The following RFWD3 variants were observed in gnomAD, a reference collection of about 807,000 sequenced individuals.
RFWD3 encodes the protein E3 ubiquitin-protein ligase RFWD3.
Under a neutral mutation model 87.7 loss-of-function variants are expected in RFWD3, and 65 were observed. The ratio of observed to expected loss-of-function variants is 0.74; its 90% CI spans 0.61 to 0.91. RFWD3 has a LOEUF of 0.91. RFWD3 is among the 40% of genes least tolerant of loss of function. The pLI is 0.00. For missense variants in RFWD3, 1,078 were observed against 938.5 expected (o/e 1.15, Z -1.94); for synonymous variants, 433 against 352.8 (o/e 1.23, Z -2.55).
At chr16:74,656,213 G>A (rs75647170) in intron 2 of RFWD3, among the ~76,000 whole-genome samples, 1,546 of 148,532 alleles carry the variant, frequency 0.01, 46 homozygotes, top group East Asian at 0.068. Flanking sequence ...CAGGAGGATC[G>A]AGGATCACCT....
Position 74,638,970 on chromosome 16 carries a change from T to C in RFWD3, c.1080-1000A>G, listed in dbSNP as rs184766282. 2.4e-3 allele frequency among the ~76,000 whole-genome samples: 367 copies of C among 151,980 alleles called. 5 individuals are homozygous for C. The highest frequency in any genetic ancestry group is 0.015 in the South Asian group (74 of 4,810). On this transcript the variant is annotated intron_variant, in intron 6 of 12. Transcript: ENST00000361070. ...TAGTATGTTACCATAATGAATACTATAGGCAATGGTACTATAATGGTATTT... is the reference window on the plus strand; with the variant it reads ...TAGTATGTTACCATAATGAATACTACAGGCAATGGTACTATAATGGTATTT...
In RFWD3 at chr16:74,652,074, A is replaced by C; in HGVS notation, c.567T>G (p.Pro189=). Residue 189 remains proline, a synonymous_variant, in exon 3 of 13, where the codon CCT becomes CCG. Transcript: ENST00000361070. ...AATCATAAGTGGTAGCTGGCAAGTC[A>C]GGCTGGGTCCTGCTCACCTGAAAGT... The part of the protein sequence containing the change: ...DAYFQVSRTQ[P]DLPATTYDSE... 2 of 1,614,194 alleles carry C rather than the reference A, an allele frequency of 1.2e-6. No homozygotes were observed. Among genetic ancestry groups the C allele is most frequent in the Non-Finnish European group, 1.7e-6 (2 of 1,180,036 alleles).
intron 6 of RFWD3, among the ~76,000 whole-genome samples, chr16:74,641,185 A>G (rs1332999100): frequency 6.6e-6 from 1 of 151,640 alleles, no homozygotes; most frequent in Non-Finnish European, 1.5e-5. Context: ...TTTTGAAGAC[A>G]GAGTTTCGCC....
rs1346989673 is a variant in RFWD3 at position 74,644,678 on chromosome 16, C to A, written c.850G>T (p.Gly284Trp). 11 of 1,614,240 alleles carry A rather than the reference C, an allele frequency of 6.8e-6. No individual in the cohort carries two copies. Among genetic ancestry groups the A allele is most frequent in the South Asian group, 2.2e-5 (2 of 91,088 alleles). Residue 284 changes from glycine (G) to tryptophan (W), a missense_variant, in exon 5 of 13, where the codon GGG (glycine) becomes TGG (tryptophan). Physicochemically the swap from Gly to Trp is radical, Grantham distance 184. Coordinates refer to ENST00000361070, the MANE Select transcript of RFWD3 (RefSeq NM_018124.4). ...LPSASMDEEE[G>W]DTCTICLEQW... The stretch of plus-strand genomic sequence containing the variant: ...TCCAGACATATTGTACAAGTGTCCC[C>A]TTCTTCCTCATCCATAGAAGCAGAA...
chr16:74,638,251 T>A (rs1224028285), intron 6 of RFWD3, among the ~76,000 whole-genome samples: 3 of 151,972 alleles, frequency 2.0e-5, no homozygotes, highest in Non-Finnish European at 4.4e-5. Flanking sequence ...TACGGCAAAT[T>A]GTAAAAGATT....
intron 8 of RFWD3, among the ~76,000 whole-genome samples, chr16:74,635,310 A>G (rs1288895961): frequency 6.6e-6 from 1 of 151,890 alleles, no homozygotes; most frequent in Admixed American, 6.6e-5. Flanking sequence ...AAAAAATAAA[A>G]AAAAAAATTA....
At chr16:74,635,590 A>C (rs755532391) in intron 8 of RFWD3, among the ~76,000 whole-genome samples, 3 of 152,248 alleles carry the variant, frequency 2.0e-5, no homozygotes, top group Non-Finnish European at 4.4e-5. Flanking sequence ...TTAAGAAAAA[A>C]AGAACAGAAC....
rs376800358 is a variant in RFWD3, at chr16:74,623,917, C to G, written c.*11G>C. 1 of 1,613,532 alleles carries G rather than the reference C, an allele frequency of 6.2e-7. No homozygotes were observed. Among genetic ancestry groups the G allele is most frequent in the East Asian group, 2.2e-5 (1 of 44,868 alleles). ...AACCAGCAGCATGCCTTCAAGGTTT[C>G]GAGACCACAGTCACTCCCACTTATA... On this transcript the variant is annotated 3_prime_UTR_variant, in exon 13 of 13. Coordinates refer to ENST00000361070, the MANE Select transcript of RFWD3 (RefSeq NM_018124.4).
intron 6 of RFWD3, among the ~76,000 whole-genome samples, chr16:74,640,822 T>C (rs7201075): frequency 0.86 from 129,878 of 151,744 alleles, 55,762 homozygotes; most frequent in African/African-American, 0.94. Flanking sequence ...GCCTGTAGTC[T>C]CAGCTACTCG....
chr16:74,659,517 C>T (rs1315294514), intron 2 of RFWD3, among the ~76,000 whole-genome samples: 1 of 152,142 alleles, frequency 6.6e-6, no homozygotes, highest in Non-Finnish European at 1.5e-5. Context: ...ATCGCTTGAA[C>T]CCGGGAGCCA....
At position 74,622,943 on chromosome 16, in the gene RFWD3, C is replaced by A. The variant is rs1428547090; in HGVS notation, c.*985G>T. On this transcript the variant is annotated 3_prime_UTR_variant, in exon 13 of 13. Transcript: ENST00000361070. ...AATTGGCTTTATTTAGATAGGAACTCTCAAAATGGGAGACAAGTTCTTCTC... is the reference window on the plus strand; with the variant it reads ...AATTGGCTTTATTTAGATAGGAACTATCAAAATGGGAGACAAGTTCTTCTC... 6.6e-6 allele frequency: 1 copy of A among 152,194 alleles called. No individual in the cohort carries two copies. The highest frequency in any genetic ancestry group is 1.9e-4 in the East Asian group (1 of 5,202). The allele number at this position is 152,194 out of a possible 1,614,324, so 9.4% of individuals were successfully genotyped here. A position where few individuals can be genotyped will look rare whatever the true frequency, so the allele number is the denominator to read the frequency against.
intron 8 of RFWD3, 23 bp downstream of exon 8, chr16:74,636,323 A>C (rs1439714198): frequency 6.9e-6 from 11 of 1,595,772 alleles, no homozygotes; most frequent in Non-Finnish European, 9.5e-6. Context: ...AGAACATGAA[A>C]GCTGAGGTTC....
intron 10 of RFWD3, among the ~76,000 whole-genome samples, 180 bp from the exon 11 acceptor site, chr16:74,628,846 A>G (rs558141705): frequency 9.2e-5 from 14 of 152,308 alleles, no homozygotes; most frequent in Admixed American, 2.0e-4. Flanking sequence ...GGACATACAT[A>G]TAATATTCTG....
At chr16:74,645,076 T>C (rs1472597851) in intron 4 of RFWD3, among the ~76,000 whole-genome samples, 3 of 152,218 alleles carry the variant, frequency 2.0e-5, no homozygotes, top group Non-Finnish European at 1.5e-5. Flanking sequence ...AGGATACAAA[T>C]GCTTACAAGA....
At chr16:74,665,524 G>A (rs765756252) in intron 1 of RFWD3, among the ~76,000 whole-genome samples, 2 of 151,774 alleles carry the variant, frequency 1.3e-5, no homozygotes, top group Non-Finnish European at 2.9e-5. Flanking sequence ...GTTGCAGTGA[G>A]CCGAGATCGC....
At chr16:74,651,314 T>G (rs1960548897) in intron 3 of RFWD3, among the ~76,000 whole-genome samples, 1 of 152,274 alleles carries the variant, frequency 6.6e-6, no homozygotes, top group South Asian at 2.1e-4. Flanking sequence ...TTACAAAACT[T>G]TTCTTTTAAA....
chr16:74,630,246 C>T (rs551685515), intron 10 of RFWD3, among the ~76,000 whole-genome samples: 1 of 152,342 alleles, frequency 6.6e-6, no homozygotes, highest in East Asian at 1.9e-4. Context: ...CAGGCGTGTG[C>T]CACCACGCAT....
At chr16:74,660,106 C>T (rs1193444474) in intron 2 of RFWD3, among the ~76,000 whole-genome samples, 2 of 152,050 alleles carry the variant, frequency 1.3e-5, no homozygotes, top group Admixed American at 6.5e-5. Flanking sequence ...GGGATTTCGT[C>T]GAAGCTTCCT....
chr16:74,662,486 G>GA (rs1961528197), intron 1 of RFWD3, among the ~76,000 whole-genome samples: 1 of 152,182 alleles, frequency 6.6e-6, no homozygotes, highest in East Asian at 1.9e-4. Flanking sequence ...ACAAATACAT[G>GA]AAAAAAATTA....
Sources: gnomAD v4.1 joint callset for allele counts (sites outside exome capture counted in the v4.1 genomes callset) on GRCh38, gnomAD v4.1.1 for gene constraint, MANE v1.5 for transcripts, NCBI Gene and HGNC (gene_info 2026-07-23, HGNC 2026-07-21) for gene names.